CLYBL: variants seen among roughly 807,000 people sequenced by gnomAD.
CLYBL encodes the protein citramalyl-CoA lyase.
CLYBL carries 31 observed loss-of-function variants against 38.9 expected under a neutral mutation model. The ratio of observed to expected loss-of-function variants is 0.80; its 90% CI spans 0.60 to 1.08. The LOEUF is 1.08. Among genes scored for constraint, CLYBL ranks in the 50% least tolerant of loss-of-function variants. CLYBL has a pLI of 0.00. For synonymous variants in CLYBL, 171 were observed against 158.6 expected, an observed-to-expected ratio of 1.08 and a Z score of -0.59; for missense variants, 434 against 411.6, an observed-to-expected ratio of 1.05 and a Z score of -0.47.
At chr13:99,902,016 T>C (rs1566373612), downstream of CLYBL, among the ~76,000 whole-genome samples, 1 of 152,182 alleles carries the variant, frequency 6.6e-6, no homozygotes, top group Non-Finnish European at 1.5e-5. Flanking sequence ...AGGAAGATGA[T>C]GATCTGCAAA....
At position 99,754,423 on chromosome 13, in the gene CLYBL, A is replaced by C. The variant is rs1325985003; in HGVS notation, c.63-18401A>C. 7.4e-4 allele frequency among the ~76,000 whole-genome samples: 104 copies of C among 141,212 alleles called. 1 individual carries two copies. The highest frequency in any genetic ancestry group is 2.8e-3 in the African/African-American group (95 of 34,346). 92.6% of individuals were successfully genotyped at this position (141,212 alleles called of 152,430 possible). A position where few individuals can be genotyped will look rare whatever the true frequency, so the allele number is the denominator to read the frequency against. On this transcript the variant is annotated intron_variant, in intron 1 of 8. Transcript: ENST00000339105. ...CAGCGTGAGACCCTGTCTCAAAAAAAAAAAAAAAAAAAAAAAGAGGAGAGA... is the reference window on the plus strand; with the variant it reads ...CAGCGTGAGACCCTGTCTCAAAAAACAAAAAAAAAAAAAAAAGAGGAGAGA...
chr13:99,863,159 T>C, intron 4 of CLYBL, 67 bp downstream of exon 4: 1 of 796,302 alleles, frequency 1.3e-6, no homozygotes, highest in Non-Finnish European at 2.0e-6. Flanking sequence ...ACTTTTGCTT[T>C]CAATTTTAAC....
At chr13:99,904,587 G>A (rs1245269215) in intron 8 of CLYBL, among the ~76,000 whole-genome samples, 1 of 152,218 alleles carries the variant, frequency 6.6e-6, no homozygotes, top group East Asian at 1.9e-4. Flanking sequence ...AGCCACACGT[G>A]TATGGATGGC....
At chr13:99,903,048 C>G (rs2052658566) in intron 8 of CLYBL, among the ~76,000 whole-genome samples, 2 of 152,228 alleles carry the variant, frequency 1.3e-5, no homozygotes, top group Non-Finnish European at 2.9e-5. Context: ...GGGTTTCAAC[C>G]ATAGCATCAC....
downstream of CLYBL, chr13:99,893,782 G>A (rs59017929): frequency 0.092 from 14,076 of 152,326 alleles, 754 homozygotes; most frequent in African/African-American, 0.13. Flanking sequence ...AGGCCCCTCC[G>A]CAAGGCCCCT....
At chr13:99,859,197 T>A in intron 3 of CLYBL, 148 bp downstream of exon 3, 1 of 608,080 alleles carries the variant, frequency 1.6e-6, no homozygotes, top group Non-Finnish European at 2.7e-6. Flanking sequence ...CAAGTATCCG[T>A]TTCTTTTACA....
intron 2 of CLYBL, among the ~76,000 whole-genome samples, chr13:99,803,023 G>A (rs962311758): frequency 4.6e-5 from 7 of 152,162 alleles, no homozygotes; most frequent in African/African-American, 1.7e-4. Flanking sequence ...GGAATGGCAT[G>A]ATTGTGGTGG....
At chr13:99,855,034 G>T (rs1810263345) in intron 2 of CLYBL, among the ~76,000 whole-genome samples, 1 of 152,132 alleles carries the variant, frequency 6.6e-6, no homozygotes, top group Non-Finnish European at 1.5e-5. Flanking sequence ...TCTATGACCT[G>T]GGCAGAGTCC....
chr13:99,788,008 A>G (rs1432863431), intron 2 of CLYBL, among the ~76,000 whole-genome samples: 5 of 152,032 alleles, frequency 3.3e-5, no homozygotes, highest in African/African-American at 9.7e-5. Flanking sequence ...TTTGTCTGTT[A>G]TTGGTGTATA....
rs1423591629 is a variant in CLYBL at position 99,720,220 on chromosome 13, A to G, written c.63-52604A>G. Among the ~76,000 whole-genome samples the G allele has an allele frequency of 3.3e-5, 5 of 152,226 alleles. No individual in the cohort carries two copies. In the East Asian group the frequency reaches 7.7e-4, roughly 24 times the overall value. ...TTGGTGATTACATTTAAAATTTAAT[A>G]TGCATATTTTATTTGAGTCTAAAGT... is the stretch of plus-strand genomic sequence containing the variant. On this transcript the variant is annotated intron_variant, in intron 1 of 8. Transcript: ENST00000339105.
At chr13:99,730,269 C>T (rs573720755) in intron 1 of CLYBL, among the ~76,000 whole-genome samples, 1 of 152,370 alleles carries the variant, frequency 6.6e-6, no homozygotes, top group South Asian at 2.1e-4. Context: ...TCTGGATCTT[C>T]CTTTTAAACT....
downstream of CLYBL, among the ~76,000 whole-genome samples, chr13:99,901,269 G>C (rs989841214): frequency 1.3e-5 from 2 of 152,176 alleles, no homozygotes; most frequent in Non-Finnish European, 2.9e-5. Context: ...CTTCTGCCTT[G>C]TAATTTTACC....
intron 1 of CLYBL, among the ~76,000 whole-genome samples, chr13:99,732,181 T>G (rs1420771606): frequency 1.3e-5 from 2 of 148,596 alleles, no homozygotes; most frequent in South Asian, 2.2e-4. Context: ...TTTTTTTTTT[T>G]TTTTTTTTTT....
At chr13:99,890,366 A>G (rs990066689) in intron 7 of CLYBL, among the ~76,000 whole-genome samples, 17 of 152,206 alleles carry the variant, frequency 1.1e-4, no homozygotes, top group African/African-American at 3.9e-4. Context: ...TTTTTAAAAA[A>G]TGAGTCTGTA....
downstream of CLYBL, among the ~76,000 whole-genome samples, chr13:99,899,390 G>A (rs895851166): frequency 6.6e-6 from 1 of 152,174 alleles, no homozygotes; most frequent in South Asian, 2.1e-4. Flanking sequence ...CCTGGATGTT[G>A]TTCCCTGGCA....
intron 9 of CLYBL, among the ~76,000 whole-genome samples, chr13:99,906,215 AAAAT>A (rs1196385449): frequency 6.6e-6 from 1 of 152,258 alleles, no homozygotes; most frequent in Non-Finnish European, 1.5e-5. Flanking sequence ...ATCAAGAAAT[AAAAT>A]AAACAATAAA....
chr13:99,716,447 A>C (rs1449722900), intron 1 of CLYBL, among the ~76,000 whole-genome samples: 2 of 147,480 alleles, frequency 1.4e-5, no homozygotes, highest in Admixed American at 6.8e-5. Context: ...GCAATGGCGC[A>C]ATCTCGGCTC....
At chr13:99,829,078 G>C (rs2050753370) in intron 2 of CLYBL, among the ~76,000 whole-genome samples, 1 of 152,220 alleles carries the variant, frequency 6.6e-6, no homozygotes, top group African/African-American at 2.4e-5. Context: ...TCAGGCATCA[G>C]ATCCCACCCA....
chr13:99,738,714 A>G (rs532584764), intron 1 of CLYBL, among the ~76,000 whole-genome samples: 2 of 152,330 alleles, frequency 1.3e-5, no homozygotes, highest in South Asian at 4.1e-4. Flanking sequence ...TCAAATGTTT[A>G]GACTTTACTA....
Sources: gnomAD v4.1 joint callset for allele counts (sites outside exome capture counted in the v4.1 genomes callset) on GRCh38, gnomAD v4.1.1 for gene constraint, MANE v1.5 for transcripts, NCBI Gene and HGNC (gene_info 2026-07-23, HGNC 2026-07-21) for gene names.